DTD1: variants seen among roughly 807,000 people sequenced by gnomAD.
DTD1 encodes the protein D-tyrosyl-tRNA deacylase 1 homolog.
Under a neutral mutation model 25.6 loss-of-function variants are expected in DTD1, and 13 were observed. That is an observed-to-expected ratio of 0.51 (90% CI 0.33 to 0.81). The LOEUF is 0.81. DTD1 is among the 30% of genes least tolerant of loss of function. The pLI is 0.02. For synonymous variants in DTD1, 110 were observed against 103.6 expected (o/e 1.06, Z -0.37); for missense variants, 193 against 266.4 (o/e 0.72, Z 1.92).
intron 3 of DTD1, among the ~76,000 whole-genome samples, chr20:18,624,096 G>T (rs933359483): frequency 1.3e-5 from 2 of 152,050 alleles, no homozygotes; most frequent in Non-Finnish European, 2.9e-5. Context: ...ATGTTAGGCT[G>T]CTCCTGCTGT....
intron 5 of DTD1, among the ~76,000 whole-genome samples, chr20:18,755,441 C>T (rs981183046): frequency 6.6e-6 from 1 of 152,068 alleles, no homozygotes; most frequent in African/African-American, 2.4e-5. Flanking sequence ...CACAACAGGC[C>T]CCAGTGTGTG....
intron 4 of DTD1, among the ~76,000 whole-genome samples, chr20:18,706,881 C>T (rs1197402039): frequency 6.6e-6 from 1 of 152,232 alleles, no homozygotes; most frequent in African/African-American, 2.4e-5. Flanking sequence ...GTTAGCGGTG[C>T]ATTTCCATAT....
chr20:18,718,777 A>G (rs2061191568), intron 4 of DTD1, among the ~76,000 whole-genome samples: 1 of 152,226 alleles, frequency 6.6e-6, no homozygotes, highest in African/African-American at 2.4e-5. Flanking sequence ...GACACCAGCT[A>G]TTAGTTAGCC....
chr20:18,676,544 C>T (rs954269299), intron 4 of DTD1, among the ~76,000 whole-genome samples: 14 of 152,190 alleles, frequency 9.2e-5, no homozygotes, highest in East Asian at 1.9e-4. Context: ...TTCTCCACCC[C>T]GTGGTGTAGC....
intron 5 of DTD1, among the ~76,000 whole-genome samples, chr20:18,744,540 T>C (rs1288426160): frequency 6.7e-6 from 1 of 150,244 alleles, no homozygotes; most frequent in Non-Finnish European, 1.5e-5. Flanking sequence ...GGCCTCACAA[T>C]CATGGTTGAA....
chr20:18,626,245 G>T (rs1025814464), intron 3 of DTD1, among the ~76,000 whole-genome samples: 20 of 152,202 alleles, frequency 1.3e-4, no homozygotes, highest in Non-Finnish European at 7.3e-5. Context: ...CTGGGGCCCG[G>T]AGAGGTGGTG....
At chr20:18,751,067 G>GTGTGTGTGTA (rs1487276126) in intron 5 of DTD1, among the ~76,000 whole-genome samples, 1 of 145,824 alleles carries the variant, frequency 6.9e-6, no homozygotes, top group Non-Finnish European at 1.5e-5. Flanking sequence ...CAGCAGCCGT[G>GTGTGTGTGTA]TGTGTGTGTG....
At chr20:18,713,991 GC>G (rs1432193493) in intron 4 of DTD1, among the ~76,000 whole-genome samples, 1 of 152,148 alleles carries the variant, frequency 6.6e-6, no homozygotes, top group African/African-American at 2.4e-5. Context: ...CTGACCTCCA[GC>G]CTGCACTCCA....
At chr20:18,609,704 C>T (rs375030085) in intron 3 of DTD1, among the ~76,000 whole-genome samples, 11 of 152,126 alleles carry the variant, frequency 7.2e-5, no homozygotes, top group South Asian at 2.1e-4. Flanking sequence ...TGTCCATTTG[C>T]TGTAAGAATA....
chr20:18,630,219 A>G (rs1044063502), intron 4 of DTD1, among the ~76,000 whole-genome samples: 3 of 152,086 alleles, frequency 2.0e-5, no homozygotes, highest in African/African-American at 7.2e-5. Context: ...CAGAGTTTCC[A>G]TATACTTTTT....
At chr20:18,661,053 A>C (rs1047187496) in intron 4 of DTD1, among the ~76,000 whole-genome samples, 3 of 152,188 alleles carry the variant, frequency 2.0e-5, no homozygotes, top group African/African-American at 7.2e-5. Context: ...GTCAAAAACT[A>C]GTTAGACTTG....
intron 1 of DTD1, among the ~76,000 whole-genome samples, chr20:18,591,731 A>C (rs770883086): frequency 1.3e-5 from 2 of 152,206 alleles, no homozygotes; most frequent in Non-Finnish European, 2.9e-5. Context: ...AAAATTTAGA[A>C]AGTATATCAA....
At chr20:18,650,370 G>C (rs1791708496) in intron 4 of DTD1, among the ~76,000 whole-genome samples, 1 of 152,198 alleles carries the variant, frequency 6.6e-6, no homozygotes, top group African/African-American at 2.4e-5. Context: ...TGTGAAATCA[G>C]CCCTGTCACC....
chr20:18,752,346 C>G (rs1489431077), intron 5 of DTD1, among the ~76,000 whole-genome samples: 1 of 152,080 alleles, frequency 6.6e-6, no homozygotes, highest in Non-Finnish European at 1.5e-5. Flanking sequence ...TGCAATTGCT[C>G]TACAGTCTTG....
chr20:18,641,693 C>G (rs1359929737), intron 4 of DTD1, among the ~76,000 whole-genome samples: 1 of 151,964 alleles, frequency 6.6e-6, no homozygotes, highest in Non-Finnish European at 1.5e-5. Flanking sequence ...AGTTCTTTGC[C>G]CAGTTTTGAA....
intron 4 of DTD1, among the ~76,000 whole-genome samples, chr20:18,634,124 G>A (rs1277202629): frequency 6.6e-6 from 1 of 152,228 alleles, no homozygotes; most frequent in Non-Finnish European, 1.5e-5. Flanking sequence ...TTATTACCTA[G>A]TGCATGATTG....
At chr20:18,737,283 A>G (rs2061259542) in intron 4 of DTD1, among the ~76,000 whole-genome samples, 1 of 150,582 alleles carries the variant, frequency 6.6e-6, no homozygotes, top group Non-Finnish European at 1.5e-5. Flanking sequence ...GTGAGTAGAC[A>G]CTCGGGTGAT....
chr20:18,664,743 G>A (rs1045817827), intron 4 of DTD1, among the ~76,000 whole-genome samples: 2 of 151,814 alleles, frequency 1.3e-5, no homozygotes, highest in Non-Finnish European at 2.9e-5. Context: ...TTTAATCTAC[G>A]GTTCTGGCAG....
intron 4 of DTD1, among the ~76,000 whole-genome samples, chr20:18,685,964 A>G (rs899592071): frequency 6.6e-6 from 1 of 152,182 alleles, no homozygotes; most frequent in East Asian, 1.9e-4. Flanking sequence ...TTGTAGGCCC[A>G]TCGTAAAGTG....
Sources: allele counts gnomAD v4.1 joint callset (sites outside exome capture counted in the v4.1 genomes callset), GRCh38; gene constraint gnomAD v4.1.1; transcripts MANE v1.5; gene names NCBI Gene and HGNC (gene_info 2026-07-23, HGNC 2026-07-21).